The following PUM1 variants were observed in gnomAD, a reference collection of about 807,000 sequenced individuals.
PUM1 encodes pumilio RNA binding family member 1, also known as pumilio homolog 1.
A neutral mutation model predicts 131.8 loss-of-function variants in PUM1; 13 were observed. The observed-to-expected ratio is 0.10, with a 90% CI of 0.06 to 0.16. The LOEUF is 0.16. PUM1 is among the 10% of genes least tolerant of loss of function. The pLI is 1.00. For missense variants in PUM1, 961 were observed against 1,512.4 expected (o/e 0.64, Z 6.05); for synonymous variants, 509 against 556.5 (o/e 0.91, Z 1.20).
At chr1:31,044,686 A>AT (rs1160451008) in intron 2 of PUM1, among the ~76,000 whole-genome samples, 2 of 152,142 alleles carry the variant, frequency 1.3e-5, no homozygotes, top group African/African-American at 4.8e-5. Flanking sequence ...TGAACTATAT[A>AT]TTTTTTTTAA....
chr1:31,017,102 C>A (rs1389106918), intron 3 of PUM1, among the ~76,000 whole-genome samples: 6 of 152,176 alleles, frequency 3.9e-5, no homozygotes, highest in Non-Finnish European at 8.8e-5. Flanking sequence ...ATTTGAAGTA[C>A]TTGCTGATGC....
At chr1:31,038,193 A>G (rs1643679184) in intron 2 of PUM1, among the ~76,000 whole-genome samples, 1 of 152,106 alleles carries the variant, frequency 6.6e-6, no homozygotes, top group Non-Finnish European at 1.5e-5. Flanking sequence ...TGATCTTTAA[A>G]GCTAAAGGTT....
intron 2 of PUM1, among the ~76,000 whole-genome samples, chr1:31,050,113 G>T (rs1421769132): frequency 1.3e-5 from 2 of 152,076 alleles, no homozygotes; most frequent in African/African-American, 4.8e-5. Flanking sequence ...TTACAGGCGT[G>T]AGCCAATTGC....
Position 31,006,905 on chromosome 1 carries a change from C to T in PUM1, c.541+89G>A, listed in dbSNP as rs1642417702. 4 of 947,482 alleles carry T rather than the reference C, an allele frequency of 4.2e-6. No homozygotes were observed. The Admixed American group carries it at 8.0e-5, about 19-fold the overall frequency. 58.7% of individuals were successfully genotyped at this position (947,482 alleles called of 1,614,324 possible). A position where few individuals can be genotyped will look rare whatever the true frequency, so the allele number is the denominator to read the frequency against. ...GACACTGCTTGACATGCTTATGTCA[C>T]TGATGTAAAATTCATGACTTGCCAA... On this transcript the variant is annotated intron_variant, in intron 4 of 21. Transcript: ENST00000426105.
At chr1:30,941,355 CCTGT>C (rs893669344) in intron 19 of PUM1, 83 bp from the exon 20 acceptor site, 16 of 1,401,236 alleles carry the variant, frequency 1.1e-5, no homozygotes, top group Non-Finnish European at 1.5e-5. Context: ...CTAATTAAAA[CCTGT>C]CTTTCTTTTA....
chr1:30,945,067 C>G (rs1639612940), intron 18 of PUM1, among the ~76,000 whole-genome samples: 1 of 151,928 alleles, frequency 6.6e-6, no homozygotes, highest in Non-Finnish European at 1.5e-5. Flanking sequence ...GCCACTGTCT[C>G]TACAAAAAAT....
intron 2 of PUM1, among the ~76,000 whole-genome samples, chr1:31,029,288 A>G (rs1050029893): frequency 1.3e-5 from 2 of 152,218 alleles, no homozygotes; most frequent in African/African-American, 2.4e-5. Flanking sequence ...TAGGGAGTGC[A>G]TTTGATTCAA....
chr1:31,033,392 T>G (rs1643503580), intron 2 of PUM1, among the ~76,000 whole-genome samples: 1 of 101,282 alleles, frequency 9.9e-6, no homozygotes, highest in Non-Finnish European at 2.2e-5. Context: ...TTTTTTTTTT[T>G]TTTTTTTTTT....
At chr1:30,933,428 TCACA>T in intron 21 of PUM1, 86 bp from the exon 22 acceptor site, 3 of 950,312 alleles carry the variant, frequency 3.2e-6, no homozygotes, top group South Asian at 2.7e-5. Context: ...ATGTCATGCA[TCACA>T]CACACATACA....
chr1:31,060,903 TAATA>T (rs932696731), intron 1 of PUM1, among the ~76,000 whole-genome samples: 5 of 147,062 alleles, frequency 3.4e-5, no homozygotes, highest in South Asian at 4.4e-4. Context: ...AAAAAAAAAA[TAATA>T]AATAAATAAA....
intron 2 of PUM1, among the ~76,000 whole-genome samples, chr1:31,047,573 G>A (rs1643998742): frequency 6.6e-6 from 1 of 152,224 alleles, no homozygotes; most frequent in Admixed American, 6.5e-5. Flanking sequence ...GCTGTTGCCT[G>A]AGAGAAAATG....
chr1:30,979,322 T>A (rs1423611341), intron 9 of PUM1, among the ~76,000 whole-genome samples: 1 of 152,198 alleles, frequency 6.6e-6, no homozygotes, highest in East Asian at 1.9e-4. Context: ...TAAAATCAGA[T>A]CTGTACTGCT....
At chr1:31,050,255 TG>T (rs1393469138) in intron 2 of PUM1, among the ~76,000 whole-genome samples, 1 of 152,032 alleles carries the variant, frequency 6.6e-6, no homozygotes, top group Non-Finnish European at 1.5e-5. Flanking sequence ...GAGGCCAAGG[TG>T]CGAGGACTGC....
At chr1:30,967,356 A>G (rs760883608) in intron 11 of PUM1, 46 bp from the exon 12 acceptor site, 1 of 1,570,066 alleles carries the variant, frequency 6.4e-7, no homozygotes, top group Admixed American at 1.7e-5. Flanking sequence ...TAAACAAACA[A>G]GTATCTCCTG....
intron 6 of PUM1, among the ~76,000 whole-genome samples, chr1:30,993,346 A>AG (rs1337978693): frequency 6.6e-6 from 1 of 151,764 alleles, no homozygotes; most frequent in East Asian, 1.9e-4. Flanking sequence ...AAGATTTAAA[A>AG]AAAAAAAAAA....
At chr1:31,010,810 A>C (rs964399464) in intron 3 of PUM1, among the ~76,000 whole-genome samples, 1 of 152,196 alleles carries the variant, frequency 6.6e-6, no homozygotes, top group African/African-American at 2.4e-5. Flanking sequence ...AGGACCCTGA[A>C]GCAGATGACT....
chr1:30,941,367 T>C (rs1312391291), intron 19 of PUM1, 95 bp from the exon 20 acceptor site: 1 of 1,320,672 alleles, frequency 7.6e-7, no homozygotes, highest in African/African-American at 1.5e-5. Flanking sequence ...TGTCTTTCTT[T>C]TACCACCATA....
chr1:30,947,356 TC>T (rs781058104), intron 17 of PUM1, among the ~76,000 whole-genome samples: 36 of 152,352 alleles, frequency 2.4e-4, no homozygotes, highest in Middle Eastern at 3.4e-3. Context: ...AAGCTGTGAC[TC>T]CAACACCTAT....
chr1:31,017,112 C>T (rs912095202), intron 3 of PUM1, among the ~76,000 whole-genome samples: 2 of 152,084 alleles, frequency 1.3e-5, no homozygotes, highest in African/African-American at 4.8e-5. Context: ...CTTGCTGATG[C>T]CCAAAAGTAC....
Sources: allele counts gnomAD v4.1 joint callset (sites outside exome capture counted in the v4.1 genomes callset), GRCh38; gene constraint gnomAD v4.1.1; transcripts MANE v1.5; gene names NCBI Gene and HGNC (gene_info 2026-07-23, HGNC 2026-07-21).